The following MTUS2 variants were observed in gnomAD, a reference collection of about 807,000 sequenced individuals.
MTUS2 encodes the protein microtubule associated scaffold protein 2.
In MTUS2, 40 loss-of-function variants were observed where a neutral mutation model predicts 114.1. That is an observed-to-expected ratio of 0.35 (90% CI 0.27 to 0.46). The LOEUF (loss-of-function observed/expected upper bound fraction) is 0.46. Ranked by LOEUF, MTUS2 falls within the 20% of genes least tolerant of loss-of-function variation. The pLI, the probability that MTUS2 is intolerant of heterozygous loss-of-function variation, is 1.00. For synonymous variants in MTUS2, 688 were observed against 672.0 expected, an observed-to-expected ratio of 1.02 and a Z score of -0.37; for missense variants, 1,679 against 1,705.4, an observed-to-expected ratio of 0.98 and a Z score of 0.27.
intron 2 of MTUS2, among the ~76,000 whole-genome samples, chr13:28,990,582 A>ACAC (rs1884792431): frequency 1.3e-5 from 2 of 152,280 alleles, no homozygotes; most frequent in East Asian, 3.9e-4. Context: ...GCACTCTGTA[A>ACAC]AAACGCACCA....
At chr13:29,268,818 C>G (rs1210379610) in intron 5 of MTUS2, among the ~76,000 whole-genome samples, 1 of 152,188 alleles carries the variant, frequency 6.6e-6, no homozygotes, top group Non-Finnish European at 1.5e-5. Context: ...CAGCCTCAAA[C>G]TCCTAGGCTT....
At chr13:29,116,404 C>T (rs551357699) in intron 5 of MTUS2, among the ~76,000 whole-genome samples, 1 of 152,248 alleles carries the variant, frequency 6.6e-6, no homozygotes, top group East Asian at 1.9e-4. Flanking sequence ...TATCAGGGGA[C>T]TTAGTCTATG....
rs374285086 is a variant in MTUS2 at position 29,359,401 on chromosome 13, G to T, written c.3045G>T (p.Ala1015=). 5.0e-6 allele frequency: 8 copies of T among 1,613,538 alleles called. No homozygotes were observed. Among genetic ancestry groups the T allele is most frequent in the African/African-American group, 4.0e-5 (3 of 74,932 alleles). The part of the protein sequence containing the change: ...CEQQTRQLGV[A]QGELKRAICG... ...AGCAGACCAGACAGCTGGGCGTTGC[G>T]CAAGGGGAGCTGAAGAGGGCCATCT... Residue 1015 remains alanine, a synonymous_variant, in exon 8 of 16, where the codon GCG becomes GCT. Coordinates refer to ENST00000612955, the MANE Select transcript of MTUS2 (RefSeq NM_001033602.4).
chr13:28,996,825 T>G (rs1478032789), intron 2 of MTUS2, among the ~76,000 whole-genome samples: 1 of 152,176 alleles, frequency 6.6e-6, no homozygotes, highest in African/African-American at 2.4e-5. Context: ...GTCTATCAAT[T>G]TTGTTGATCT....
intron 5 of MTUS2, among the ~76,000 whole-genome samples, chr13:29,236,236 A>G (rs1192430189): frequency 6.6e-6 from 1 of 152,152 alleles, no homozygotes; most frequent in Non-Finnish European, 1.5e-5. Context: ...TCTTCTGTTG[A>G]GCACTTACTT....
At chr13:29,111,912 A>G (rs1488461354) in intron 5 of MTUS2, among the ~76,000 whole-genome samples, 1 of 152,176 alleles carries the variant, frequency 6.6e-6, no homozygotes, top group East Asian at 1.9e-4. Flanking sequence ...ATAAAGTAAG[A>G]AAGTGCCATT....
rs1256944180 is a variant in MTUS2 at position 29,148,636 on chromosome 13, G to A, written c.2644+47666G>A. ...TGGGACTACAGGCGCCCGCCACCACGCCCGGCTAATTTTTTGTATTTTTAG... is the reference window on the plus strand; with the variant it reads ...TGGGACTACAGGCGCCCGCCACCACACCCGGCTAATTTTTTGTATTTTTAG... On this transcript the variant is annotated intron_variant, in intron 5 of 15. Transcript: ENST00000612955. Among the ~76,000 whole-genome samples the A allele has an allele frequency of 1.5e-4, 17 of 114,832 alleles. 5 individuals carry two copies. In the East Asian group the frequency reaches 4.4e-3, roughly 30 times the overall value. The allele number at this position is 114,832 out of a possible 152,430, so 75.3% of individuals were successfully genotyped here.
intron 8 of MTUS2, among the ~76,000 whole-genome samples, chr13:29,372,650 T>C (rs1871287485): frequency 6.6e-6 from 1 of 152,194 alleles, no homozygotes; most frequent in Non-Finnish European, 1.5e-5. Flanking sequence ...CCCTCAAAAG[T>C]GAAGGCCAAA....
chr13:29,449,395 T>C (rs556223805), intron 9 of MTUS2, among the ~76,000 whole-genome samples: 2 of 152,306 alleles, frequency 1.3e-5, no homozygotes, highest in African/African-American at 4.8e-5. Context: ...TTCATGGTTA[T>C]CCAAAAAAAT....
intron 4 of MTUS2, among the ~76,000 whole-genome samples, chr13:29,070,462 T>C (rs1888865013): frequency 6.6e-6 from 1 of 152,196 alleles, no homozygotes; most frequent in African/African-American, 2.4e-5. Context: ...AGACTTCCAG[T>C]GTTGTTCAAG....
intron 2 of MTUS2, among the ~76,000 whole-genome samples, chr13:28,872,354 A>T (rs982078677): frequency 6.6e-6 from 1 of 152,064 alleles, no homozygotes; most frequent in Non-Finnish European, 1.5e-5. Flanking sequence ...TCATTGGGGG[A>T]ATACTTGGAG....
At chr13:29,213,573 A>T (rs1460775189) in intron 5 of MTUS2, among the ~76,000 whole-genome samples, 1 of 152,228 alleles carries the variant, frequency 6.6e-6, no homozygotes, top group Non-Finnish European at 1.5e-5. Context: ...CCACTTTATC[A>T]TTATGAAATT....
At chr13:29,157,810 A>G (rs1249286104) in intron 5 of MTUS2, among the ~76,000 whole-genome samples, 1 of 147,836 alleles carries the variant, frequency 6.8e-6, no homozygotes, top group African/African-American at 2.4e-5. Flanking sequence ...ATATAGATAC[A>G]GATATAGATG....
intron 9 of MTUS2, among the ~76,000 whole-genome samples, chr13:29,457,184 T>C (rs1879178353): frequency 6.6e-6 from 1 of 151,984 alleles, no homozygotes; most frequent in African/African-American, 2.4e-5. Context: ...GTTTTGAATT[T>C]GTTTATTTTT....
Position 28,982,348 on chromosome 13 carries a change from A to T in MTUS2, c.-242-42109A>T, listed in dbSNP as rs576688093. Among the ~76,000 whole-genome samples, 394 of 114,352 alleles carry T rather than the reference A, an allele frequency of 3.4e-3. 1 individual carries two copies. Among genetic ancestry groups the T allele is most frequent in the African/African-American group, 0.014 (363 of 26,646 alleles). 75.0% of individuals were successfully genotyped at this position (114,352 alleles called of 152,430 possible). On this transcript the variant is annotated intron_variant, in intron 2 of 15. Coordinates refer to ENST00000612955, the MANE Select transcript of MTUS2 (RefSeq NM_001033602.4). ...CACCTATGAGGATGGTTATTATTTA[A>T]AAAAAAAAAAGAAAATAGCAAGTGT... is the stretch of plus-strand genomic sequence containing the variant.
At chr13:29,318,391 C>CTTTTTTTTTTTTTCTTTTTTTTTTTT (rs71090240) in intron 6 of MTUS2, among the ~76,000 whole-genome samples, 4 of 135,036 alleles carry the variant, frequency 3.0e-5, no homozygotes, top group Admixed American at 7.7e-5. Flanking sequence ...ATTTCTTTTT[C>CTTTTTTTTTTTTTCTTTTTTTTTTTT]TTTTTTTTTT....
intron 6 of MTUS2, 81 bp from the exon 7 acceptor site, chr13:29,324,532 C>A (rs967966650): frequency 2.9e-6 from 3 of 1,046,264 alleles, no homozygotes; most frequent in Non-Finnish European, 4.2e-6. Context: ...TTCTTGAAGC[C>A]ACCCTTTCCA....
intron 4 of MTUS2, among the ~76,000 whole-genome samples, chr13:29,074,074 C>T (rs1889071440): frequency 6.6e-6 from 1 of 152,110 alleles, no homozygotes; most frequent in African/African-American, 2.4e-5. Flanking sequence ...CAGCCTTGCC[C>T]CTCTCCAGCC....
intron 5 of MTUS2, among the ~76,000 whole-genome samples, chr13:29,215,885 C>T (rs1895659300): frequency 6.6e-6 from 1 of 152,210 alleles, no homozygotes; most frequent in African/African-American, 2.4e-5. Context: ...CAGTCCATCC[C>T]TTAGCAGAGC....
Sources: allele counts gnomAD v4.1 joint callset (sites outside exome capture counted in the v4.1 genomes callset), GRCh38; gene constraint gnomAD v4.1.1; transcripts MANE v1.5; gene names NCBI Gene and HGNC (gene_info 2026-07-23, HGNC 2026-07-21).